AGPAT4: variants seen among roughly 807,000 people sequenced by gnomAD.
AGPAT4 encodes 1-acylglycerol-3-phosphate O-acyltransferase 4, also known as 1-acyl-sn-glycerol-3-phosphate acyltransferase delta.
Under a neutral mutation model 48.0 loss-of-function variants are expected in AGPAT4, and 15 were observed. The ratio of observed to expected loss-of-function variants is 0.31; its 90% CI spans 0.21 to 0.48. The LOEUF (loss-of-function observed/expected upper bound fraction) is 0.48, where lower values mean the gene tolerates loss of function less well. Among genes scored for constraint, AGPAT4 ranks in the 20% least tolerant of loss-of-function variants. The pLI is 0.99. For missense variants in AGPAT4, 314 were observed against 482.5 expected, an observed-to-expected ratio of 0.65 and a Z score of 3.27; for synonymous variants, 178 against 198.7, an observed-to-expected ratio of 0.90 and a Z score of 0.88.
rs755872268 is a variant in AGPAT4 at position 161,235,500 on chromosome 6, G to A, written c.-89-3198C>T. 6.6e-6 allele frequency among the ~76,000 whole-genome samples: 1 copy of A among 152,150 alleles called. No individual in the cohort carries two copies. Among genetic ancestry groups the A allele is most frequent in the Non-Finnish European group, 1.5e-5 (1 of 68,028 alleles). ...CGTCTTAAGTTCATTCCAGATAGAC[G>A]TTTTGGGGACCCATCTGGATTAGTC... is the stretch of plus-strand genomic sequence containing the variant. On this transcript the variant is annotated intron_variant, in intron 1 of 8. Coordinates refer to ENST00000320285, the MANE Select transcript of AGPAT4 (RefSeq NM_020133.3). This position sits in a 1 kb window ranked among gnomAD's most constrained non-coding sequence, Gnocchi z 6.2.
In AGPAT4 at chr6:161,177,375, G is replaced by A. The variant is rs892766361; in HGVS notation, c.179-10958C>T. On this transcript the variant is annotated intron_variant, in intron 2 of 8. Transcript: ENST00000320285. The surrounding 1 kb of genome is among the most constrained non-coding windows in gnomAD (Gnocchi z 5.0). ...CTTCTTTCTCTAAACTTCTCTTCTC[G>A]CTTCATTTCATTAATTTGATCTTCA... Among the ~76,000 whole-genome samples the A allele has an allele frequency of 2.2e-4, 34 of 152,020 alleles. No homozygotes were observed. The highest frequency in any genetic ancestry group is 7.2e-4 in the African/African-American group (30 of 41,468).
rs1779426106 is a variant in AGPAT4 at position 161,146,367 on chromosome 6, T to C, written c.843+157A>G. Among the ~76,000 whole-genome samples, 1 of 152,064 alleles carries C rather than the reference T, an allele frequency of 6.6e-6. No homozygotes were observed. The highest frequency in any genetic ancestry group is 1.5e-5 in the Non-Finnish European group (1 of 68,012). ...ACCCTCCTTAAAAAATATTTTGTCATGTTCTTCATTGCCAAGAGAGGGTCA... is the reference window on the plus strand; with the variant it reads ...ACCCTCCTTAAAAAATATTTTGTCACGTTCTTCATTGCCAAGAGAGGGTCA... On this transcript the variant is annotated intron_variant, in intron 7 of 8. Transcript: ENST00000320285. This position sits in a 1 kb window ranked among gnomAD's most constrained non-coding sequence, Gnocchi z 7.1.
chr6:161,153,588 C>A, intron 4 of AGPAT4, 89 bp from the exon 5 acceptor site: 1 of 1,486,742 alleles, frequency 6.7e-7, no homozygotes, highest in Non-Finnish European at 9.1e-7. Context: ...CACACAGCCC[C>A]AGGGTCACAT....
rs1021504289 is a variant in AGPAT4 at position 161,219,916 on chromosome 6, C to T, written c.178+12120G>A. ...GCAGGCAGGCAGGCAGGCAGGCAGG[C>T]GGCAGGCAGGCAGGCAGGCAGGCAG... On this transcript the variant is annotated intron_variant, in intron 2 of 8. Transcript: ENST00000320285. The surrounding 1 kb of genome is among the most constrained non-coding windows in gnomAD (Gnocchi z 4.9). Among the ~76,000 whole-genome samples the T allele has an allele frequency of 5.7e-5, 6 of 105,990 alleles. No homozygotes were observed. The highest frequency in any genetic ancestry group is 2.8e-4 in the East Asian group (1 of 3,610). The allele number at this position is 105,990 out of a possible 152,430, so 69.5% of individuals were successfully genotyped here.
chr6:161,147,292 G>A lies in AGPAT4; in HGVS notation c.768-693C>T, dbSNP rs1461866682. Among the ~76,000 whole-genome samples, 6 of 152,120 alleles carry A rather than the reference G, an allele frequency of 3.9e-5. No homozygotes were observed. Among genetic ancestry groups the A allele is most frequent in the African/African-American group, 7.2e-5 (3 of 41,428 alleles). ...TGGTGCTGGCAAGGGCTTGCCACTCGATCATTTGCAAAGAGCCCATACTGA... is the reference window on the plus strand; with the variant it reads ...TGGTGCTGGCAAGGGCTTGCCACTCAATCATTTGCAAAGAGCCCATACTGA... On this transcript the variant is annotated intron_variant, in intron 6 of 8. Transcript: ENST00000320285. The surrounding 1 kb of genome is among the most constrained non-coding windows in gnomAD (Gnocchi z 4.8).
intron 2 of AGPAT4, among the ~76,000 whole-genome samples, chr6:161,182,716 C>A (rs1780636773): frequency 1.3e-5 from 2 of 152,220 alleles, no homozygotes; most frequent in South Asian, 2.1e-4. Context: ...AGAGGGTGGG[C>A]AGCCAGCGGC....
rs1465120288 is a variant in AGPAT4 at position 161,270,143 on chromosome 6, C to T, written c.-90+3795G>A. Among the ~76,000 whole-genome samples, 2 of 152,206 alleles carry T rather than the reference C, an allele frequency of 1.3e-5. No individual in the cohort carries two copies. Among genetic ancestry groups the T allele is most frequent in the Non-Finnish European group, 2.9e-5 (2 of 68,036 alleles). ...TTGTAAACCCATTTGAAAACTATAA[C>T]TATTTAAACTGTATCTTGTTTTGCT... is the stretch of plus-strand genomic sequence containing the variant. On this transcript the variant is annotated intron_variant, in intron 1 of 8. Transcript: ENST00000320285. The surrounding 1 kb of genome is among the most constrained non-coding windows in gnomAD (Gnocchi z 5.3).
chr6:161,240,425 T>A lies in AGPAT4; in HGVS notation c.-89-8123A>T, dbSNP rs1461291973. 3.3e-5 allele frequency among the ~76,000 whole-genome samples: 5 copies of A among 152,188 alleles called. No homozygotes were observed. The East Asian group carries it at 9.6e-4, about 29-fold the overall frequency. ...AGGCAAGCTTTTTCCTCTATGCCAC[T>A]GCACTCTTCCTGAACAGTGATTAAG... On this transcript the variant is annotated intron_variant, in intron 1 of 8. Coordinates refer to ENST00000320285, the MANE Select transcript of AGPAT4 (RefSeq NM_020133.3). This position sits in a 1 kb window ranked among gnomAD's most constrained non-coding sequence, Gnocchi z 5.5.
rs866456241 is a variant in AGPAT4, at chr6:161,154,371, C to G, written c.349-61G>C. ...GAGACGTCAGAGCCACCTGCCGGGG[C>G]TGTTGGAGACTGAAGTAGAAAAAGA... On this transcript the variant is annotated intron_variant, in intron 3 of 8. Coordinates refer to ENST00000320285, the MANE Select transcript of AGPAT4 (RefSeq NM_020133.3). The surrounding 1 kb of genome is among the most constrained non-coding windows in gnomAD (Gnocchi z 7.8). The G allele has an allele frequency of 5.0e-6, 8 of 1,594,000 alleles. 1 individual carries two copies. The Middle Eastern group carries it at 8.4e-4, about 167-fold the overall frequency.
Position 161,166,119 on chromosome 6 carries a change from G to C in AGPAT4, c.348+129C>G, listed in dbSNP as rs1229567597. On this transcript the variant is annotated intron_variant, in intron 3 of 8. Coordinates refer to ENST00000320285, the MANE Select transcript of AGPAT4 (RefSeq NM_020133.3). This position sits in a 1 kb window ranked among gnomAD's most constrained non-coding sequence, Gnocchi z 6.7. ...AGCAAGAATAAAAAGCAGTTTATTA[G>C]GACCATTTCATCAAGTAGAAACTCT... 1 of 1,258,272 alleles carries C rather than the reference G, an allele frequency of 7.9e-7. No homozygotes were observed. The highest frequency in any genetic ancestry group is 1.1e-6 in the Non-Finnish European group (1 of 902,146). The allele number at this position is 1,258,272 out of a possible 1,614,324, so 77.9% of individuals were successfully genotyped here.
chr6:161,204,925 C>T lies in AGPAT4; in HGVS notation c.178+27111G>A, dbSNP rs1184369763. Among the ~76,000 whole-genome samples the T allele has an allele frequency of 6.6e-6, 1 of 152,110 alleles. No homozygotes were observed. Among genetic ancestry groups the T allele is most frequent in the Non-Finnish European group, 1.5e-5 (1 of 68,018 alleles). ...GTCACCTCCAAATTAGAATGATCAG[C>T]AGTTTTTTACAATAAACCGGGTATG... On this transcript the variant is annotated intron_variant, in intron 2 of 8. Coordinates refer to ENST00000320285, the MANE Select transcript of AGPAT4 (RefSeq NM_020133.3). This position sits in a 1 kb window ranked among gnomAD's most constrained non-coding sequence, Gnocchi z 4.4.
rs1448496781 is a variant in AGPAT4 at position 161,146,472 on chromosome 6, G to A, written c.843+52C>T. On this transcript the variant is annotated intron_variant, in intron 7 of 8. Transcript: ENST00000320285. This position sits in a 1 kb window ranked among gnomAD's most constrained non-coding sequence, Gnocchi z 7.1. The stretch of plus-strand genomic sequence containing the variant: ...CTGCTACCACACAACACAGCCACAC[G>A]GCGCACCCACAGCTGCAACGTGAAG... 3.8e-6 allele frequency: 6 copies of A among 1,575,776 alleles called. No individual in the cohort carries two copies. The highest frequency in any genetic ancestry group is 1.1e-5 in the South Asian group (1 of 89,942).
intron 2 of AGPAT4, among the ~76,000 whole-genome samples, chr6:161,194,658 GTGTA>G (rs1328299072): frequency 6.6e-6 from 1 of 151,400 alleles, no homozygotes; most frequent in African/African-American, 2.4e-5. Flanking sequence ...ATGTATGTAT[GTGTA>G]TGTGTGTATA....
rs1052614194 is a variant in AGPAT4 at position 161,249,579 on chromosome 6, A to G, written c.-89-17277T>C. Among the ~76,000 whole-genome samples the G allele has an allele frequency of 1.3e-5, 2 of 152,230 alleles. No individual in the cohort carries two copies. The highest frequency in any genetic ancestry group is 2.4e-5 in the African/African-American group (1 of 41,462). ...TGAAAAAAAGCTCAACATCATGATC[A>G]TTAGAGAAATGCAAATCAAAAACAC... On this transcript the variant is annotated intron_variant, in intron 1 of 8. Coordinates refer to ENST00000320285, the MANE Select transcript of AGPAT4 (RefSeq NM_020133.3). This position sits in a 1 kb window ranked among gnomAD's most constrained non-coding sequence, Gnocchi z 6.2.
At position 161,234,743 on chromosome 6, in the gene AGPAT4, T is replaced by C. The variant is rs931192430; in HGVS notation, c.-89-2441A>G. ...TGGGGTCTAGAGTTTGTAAATTACT[T>C]GACAAATCCTTTGCTTTGCCAATTC... On this transcript the variant is annotated intron_variant, in intron 1 of 8. Transcript: ENST00000320285. This position sits in a 1 kb window ranked among gnomAD's most constrained non-coding sequence, Gnocchi z 4.4. Among the ~76,000 whole-genome samples, 2 of 152,110 alleles carry C rather than the reference T, an allele frequency of 1.3e-5. No homozygotes were observed. The highest frequency in any genetic ancestry group is 4.8e-5 in the African/African-American group (2 of 41,422).
chr6:161,227,266 C>T (rs1782007702), intron 2 of AGPAT4, among the ~76,000 whole-genome samples: 1 of 152,210 alleles, frequency 6.6e-6, no homozygotes, highest in South Asian at 2.1e-4. Flanking sequence ...CTCTGTCCCA[C>T]TAGGTTGTCT....
Position 161,255,154 on chromosome 6 carries a change from C to T in AGPAT4, c.-90+18784G>A, listed in dbSNP as rs533983100. 1.2e-4 allele frequency among the ~76,000 whole-genome samples: 18 copies of T among 152,326 alleles called. No homozygotes were observed. In the South Asian group the frequency reaches 3.1e-3, roughly 26 times the overall value. On this transcript the variant is annotated intron_variant, in intron 1 of 8. Transcript: ENST00000320285. The surrounding 1 kb of genome is among the most constrained non-coding windows in gnomAD (Gnocchi z 4.7). ...AGCTACTTCATCTTTCCCTGTAATA[C>T]CTCACACATCCAGTTCTCCTTCATT...
In AGPAT4 at chr6:161,267,848, A is replaced by G. The variant is rs1163904848; in HGVS notation, c.-90+6090T>C. Among the ~76,000 whole-genome samples the G allele has an allele frequency of 6.6e-6, 1 of 152,222 alleles. No individual in the cohort carries two copies. The highest frequency in any genetic ancestry group is 1.5e-5 in the Non-Finnish European group (1 of 68,030). On this transcript the variant is annotated intron_variant, in intron 1 of 8. Coordinates refer to ENST00000320285, the MANE Select transcript of AGPAT4 (RefSeq NM_020133.3). The surrounding 1 kb of genome is among the most constrained non-coding windows in gnomAD (Gnocchi z 5.2). ...GAATTCAAGGCCAGCTTGAGCAACA[A>G]AGTGAGACTGGCCTCTTAAAAGAAA... is the stretch of plus-strand genomic sequence containing the variant.
At chr6:161,160,724 C>G (rs1779904010) in intron 3 of AGPAT4, 1 of 333,316 alleles carries the variant, frequency 3.0e-6, no homozygotes, top group Non-Finnish European at 5.9e-6. Flanking sequence ...GGGAGAGGAG[C>G]TCCCTGCACA....
Sources: gnomAD v4.1 joint callset for allele counts (sites outside exome capture counted in the v4.1 genomes callset) on GRCh38, gnomAD v4.1.1 for gene constraint, Gnocchi (gnomAD v3.1) non-coding constraint, MANE v1.5 for transcripts, NCBI Gene and HGNC (gene_info 2026-07-23, HGNC 2026-07-21) for gene names.